CYP2C8: variants seen among roughly 807,000 people sequenced by gnomAD.
The protein encoded by CYP2C8 is cytochrome P450 family 2 subfamily C member 8, also known as cytochrome P450 2C8.
CYP2C8 carries 51 observed loss-of-function variants against 41.3 expected under a neutral mutation model. The observed-to-expected ratio is 1.24, with a 90% CI of 0.99 to 1.56. The LOEUF is 1.56. Among genes scored for constraint, CYP2C8 ranks in the 40% most tolerant of loss-of-function variants. The probability of loss-of-function intolerance (pLI) is 0.00; values close to 1 mark genes in which losing one functional copy is unlikely to be tolerated. For synonymous variants in CYP2C8, 218 were observed against 205.8 expected, an observed-to-expected ratio of 1.06 and a Z score of -0.51; for missense variants, 651 against 579.9, an observed-to-expected ratio of 1.12 and a Z score of -1.26.
chr10:95,058,188 C>T (rs1235794271), intron 5 of CYP2C8, 147 bp downstream of exon 5: 14 of 1,193,266 alleles, frequency 1.2e-5, no homozygotes, highest in South Asian at 2.7e-5. Context: ...ATGTTTAGTG[C>T]AGGCCCATAA....
intron 4 of CYP2C8, among the ~76,000 whole-genome samples, chr10:95,061,044 C>T (rs988719901): frequency 2.6e-5 from 4 of 151,936 alleles, no homozygotes; most frequent in African/African-American, 9.7e-5. Flanking sequence ...TTCAGTTTGC[C>T]GTAATTTATT....
intron 4 of CYP2C8, among the ~76,000 whole-genome samples, chr10:95,063,503 G>T (rs2033486658): frequency 6.6e-6 from 1 of 152,094 alleles, no homozygotes; most frequent in Non-Finnish European, 1.5e-5. Context: ...GTCCTTTAAG[G>T]ACTTCTCTGC....
chr10:95,041,650 G>A (rs61066441), intron 7 of CYP2C8, among the ~76,000 whole-genome samples: 8,217 of 151,332 alleles, frequency 0.054, 337 homozygotes, highest in Middle Eastern at 0.16. Flanking sequence ...GCGCGGTGGC[G>A]GGCGCCTGTA....
At chr10:95,064,674 T>A in intron 4 of CYP2C8, 126 bp downstream of exon 4, 1 of 940,580 alleles carries the variant, frequency 1.1e-6, no homozygotes, top group Non-Finnish European at 1.6e-6. Context: ...GGTAATTATT[T>A]TCTTCACTCA....
chr10:95,056,728 A>G (rs999435668), intron 5 of CYP2C8, among the ~76,000 whole-genome samples: 6 of 152,208 alleles, frequency 3.9e-5, no homozygotes, highest in Non-Finnish European at 8.8e-5. Context: ...TGTTTACTAC[A>G]TGATGGAGTT....
At chr10:95,064,657 C>G (rs577403263) in intron 4 of CYP2C8, 143 bp downstream of exon 4, 2 of 821,250 alleles carry the variant, frequency 2.4e-6, no homozygotes, top group Admixed American at 2.6e-5. Flanking sequence ...AACAGGAAAT[C>G]AAAGGTGGTA....
intron 3 of CYP2C8, among the ~76,000 whole-genome samples, chr10:95,066,743 GA>G (rs1224595551): frequency 6.6e-6 from 1 of 152,100 alleles, no homozygotes; most frequent in Non-Finnish European, 1.5e-5. Flanking sequence ...ATGACCATAT[GA>G]AAAAACTCGA....
intron 4 of CYP2C8, among the ~76,000 whole-genome samples, chr10:95,063,666 G>T (rs1348544611): frequency 1.3e-5 from 2 of 152,186 alleles, no homozygotes; most frequent in Non-Finnish European, 2.9e-5. Flanking sequence ...ATCCAGCTTT[G>T]TTCCGTTGCT....
chr10:95,068,653 C>T (rs1226939876), intron 1 of CYP2C8: 2 of 1,279,398 alleles, frequency 1.6e-6, no homozygotes, highest in Non-Finnish European at 2.0e-6. Flanking sequence ...GGAGAAACAG[C>T]ACTTTAAACT....
intron 3 of CYP2C8, 106 bp downstream of exon 3, chr10:95,067,102 C>T (rs1252223191): frequency 6.6e-7 from 1 of 1,506,350 alleles, no homozygotes; most frequent in Non-Finnish European, 9.2e-7. Context: ...GGGCTGACAA[C>T]CAGGATGCGC....
In CYP2C8 at chr10:95,059,460, G is replaced by A. The variant is rs1428272088; in HGVS notation, c.643-949C>T. ...ATGTCCTTTTGAGAAGTGTCTGTTC[G>A]TATCCTTTGCCCACTTGTTGATGGG... On this transcript the variant is annotated intron_variant, in intron 4 of 8. Transcript: ENST00000371270. Among the ~76,000 whole-genome samples the A allele has an allele frequency of 1.1e-4, 17 of 151,978 alleles. No homozygotes were observed. In the South Asian group the frequency reaches 1.2e-3, roughly 11 times the overall value.
At chr10:95,063,869 C>T (rs2033495823) in intron 4 of CYP2C8, among the ~76,000 whole-genome samples, 1 of 152,342 alleles carries the variant, frequency 6.6e-6, no homozygotes, top group Admixed American at 6.5e-5. Flanking sequence ...TCAGGATCCT[C>T]AGCCGCGAGT....
At chr10:95,049,848 TTTC>T (rs1420400189) in intron 5 of CYP2C8, among the ~76,000 whole-genome samples, 1 of 149,332 alleles carries the variant, frequency 6.7e-6, no homozygotes, top group East Asian at 2.0e-4. Context: ...AAGAAACTGC[TTTC>T]TTCTGCTTGA....
intron 4 of CYP2C8, among the ~76,000 whole-genome samples, chr10:95,062,335 G>T (rs536621682): frequency 6.6e-6 from 1 of 152,138 alleles, no homozygotes; most frequent in Non-Finnish European, 1.5e-5. Context: ...TGTATTGGGT[G>T]CATATATATT....
Position 95,037,131 on chromosome 10 carries a change from G to C in CYP2C8, c.1470C>G (p.Val490=), listed in dbSNP as rs1564732273. The C allele has an allele frequency of 8.7e-6, 14 of 1,613,806 alleles. No individual in the cohort carries two copies. The highest frequency in any genetic ancestry group is 1.2e-5 in the Non-Finnish European group (14 of 1,179,752). The change falls in exon 9 of 9, where the codon GTC becomes GTG. Residue 490 remains valine (V), a synonymous_variant. Transcript: ENST00000371270. ...PPSYQICFIP[V] is the part of the protein sequence containing the mutation. ...CAGCCAGATGGGCTAGCATTCTTCAGACAGGGATGAAGCAGATCTGGTATG... is the reference window on the plus strand; with the variant it reads ...CAGCCAGATGGGCTAGCATTCTTCACACAGGGATGAAGCAGATCTGGTATG...
chr10:95,049,371 A>T (rs1315799045), intron 5 of CYP2C8, among the ~76,000 whole-genome samples: 1 of 152,216 alleles, frequency 6.6e-6, no homozygotes, highest in Admixed American at 6.5e-5. Context: ...TAGAAAAAAT[A>T]CTATTGAATT....
chr10:95,037,878 A>G (rs552323629), intron 8 of CYP2C8, among the ~76,000 whole-genome samples: 1 of 152,310 alleles, frequency 6.6e-6, no homozygotes, highest in Admixed American at 6.5e-5. Flanking sequence ...ATTTCATTTC[A>G]TCTTCACACT....
intron 5 of CYP2C8, among the ~76,000 whole-genome samples, chr10:95,052,777 T>C (rs1336472776): frequency 6.6e-6 from 1 of 151,662 alleles, no homozygotes; most frequent in South Asian, 2.1e-4. Flanking sequence ...AAAAACAGGG[T>C]ATAGAAGGAA....
intron 3 of CYP2C8, among the ~76,000 whole-genome samples, chr10:95,066,138 GA>G: frequency 9.0e-6 from 1 of 110,900 alleles, no homozygotes; most frequent in African/African-American, 3.7e-5. Context: ...GAGAGAGAGA[GA>G]GAGAGAGAGA....
Sources: allele counts gnomAD v4.1 joint callset (sites outside exome capture counted in the v4.1 genomes callset), GRCh38; gene constraint gnomAD v4.1.1; transcripts MANE v1.5; gene names NCBI Gene and HGNC (gene_info 2026-07-23, HGNC 2026-07-21).